ALDH1L1: variants seen among roughly 807,000 people sequenced by gnomAD.
The protein encoded by ALDH1L1 is cytosolic 10-formyltetrahydrofolate dehydrogenase.
Under a neutral mutation model 101.1 loss-of-function variants are expected in ALDH1L1, and 68 were observed. That is an observed-to-expected ratio of 0.67 (90% CI 0.55 to 0.82). The LOEUF (loss-of-function observed/expected upper bound fraction) is 0.82. ALDH1L1 is among the 40% of genes least tolerant of loss of function. ALDH1L1 has a pLI of 0.00. For missense variants in ALDH1L1, 1,087 were observed against 1,172.7 expected (o/e 0.93, Z 1.07); for synonymous variants, 486 against 470.8 (o/e 1.03, Z -0.42).
intron 1 of ALDH1L1, among the ~76,000 whole-genome samples, chr3:126,166,452 G>C (rs1298869961): frequency 6.6e-6 from 1 of 152,028 alleles, no homozygotes; most frequent in Non-Finnish European, 1.5e-5. Flanking sequence ...AATTAAAATG[G>C]ATATCCAAGA....
intron 1 of ALDH1L1, among the ~76,000 whole-genome samples, chr3:126,179,246 C>A (rs540487388): frequency 4.6e-5 from 7 of 152,260 alleles, no homozygotes; most frequent in Admixed American, 2.0e-4. Flanking sequence ...GCCTCCCAAC[C>A]CTCCTACCCA....
intron 22 of ALDH1L1, 182 bp from the exon 23 acceptor site, chr3:126,104,028 T>C (rs4646760): frequency 0.34 from 221,102 of 644,922 alleles, 39,221 homozygotes; most frequent in Middle Eastern, 0.41. Context: ...CAGTGGATAG[T>C]GGGCCAGGAC....
At chr3:126,185,469 G>A (rs753037639), upstream of ALDH1L1, among the ~76,000 whole-genome samples, 7 of 152,270 alleles carry the variant, frequency 4.6e-5, no homozygotes, top group South Asian at 4.1e-4. Flanking sequence ...AAGAAAGCGG[G>A]TCTGGGTACT....
At chr3:126,166,996 T>C (rs1453217839) in intron 1 of ALDH1L1, among the ~76,000 whole-genome samples, 1 of 152,204 alleles carries the variant, frequency 6.6e-6, no homozygotes, top group African/African-American at 2.4e-5. Flanking sequence ...AAAAGCAAAC[T>C]AGTCCAGTTT....
chr3:126,109,954 G>A lies in ALDH1L1; in HGVS notation c.2337C>T (p.Val779=), dbSNP rs145429013. The A allele has an allele frequency of 1.1e-3, 1,725 of 1,613,836 alleles. 1 individual carries two copies. Among genetic ancestry groups the A allele is most frequent in the Non-Finnish European group, 1.4e-3 (1,632 of 1,179,986 alleles). Residue 779 remains valine, a synonymous_variant, in exon 20 of 23, where the codon GTC becomes GTT. Coordinates refer to ENST00000393434, the MANE Select transcript of ALDH1L1 (RefSeq NM_012190.4). Reference sequence around the variant, plus strand: ...CACACTCTGACTCACCTGGCCGAGGGACCTGATTCCCGCCGCAGACCAGTG... The same window carrying A: ...CACACTCTGACTCACCTGGCCGAGGAACCTGATTCCCGCCGCAGACCAGTG... ...GATLVCGGNQ[V]PRPGFFFEPT... is the part of the protein sequence containing the mutation.
In ALDH1L1 at chr3:126,107,347, G is replaced by C. The variant is rs1339102727; in HGVS notation, c.2348-101C>G. Reference sequence around the variant, plus strand: ...TGGGCCACACCAGCCACCTGCGGATGACCCGACATAAGCACCGGGTCACGG... The same window carrying C: ...TGGGCCACACCAGCCACCTGCGGATCACCCGACATAAGCACCGGGTCACGG... On this transcript the variant is annotated intron_variant, in intron 20 of 22. Transcript: ENST00000393434. 8.6e-6 allele frequency: 8 copies of C among 929,238 alleles called. No individual in the cohort carries two copies. In the Admixed American group the frequency reaches 1.4e-4, roughly 16 times the overall value. 57.6% of individuals were successfully genotyped at this position (929,238 alleles called of 1,614,324 possible).
At chr3:126,195,990 AT>A (rs1302819893) in intron 1 of ALDH1L1, among the ~76,000 whole-genome samples, 1 of 152,234 alleles carries the variant, frequency 6.6e-6, no homozygotes, top group African/African-American at 2.4e-5. Flanking sequence ...GAGGGAAAGC[AT>A]TAGGAGATAT....
chr3:126,117,222 C>T (rs2079987420), intron 17 of ALDH1L1, among the ~76,000 whole-genome samples: 1 of 147,810 alleles, frequency 6.8e-6, no homozygotes, highest in Non-Finnish European at 1.5e-5. Context: ...GCCTGGGTGA[C>T]ACTGTGAGAC....
At chr3:126,185,460 A>G (rs1455043130), upstream of ALDH1L1, among the ~76,000 whole-genome samples, 1 of 152,258 alleles carries the variant, frequency 6.6e-6, no homozygotes, top group Non-Finnish European at 1.5e-5. Context: ...TGAGACATGA[A>G]GAAAGCGGGT....
chr3:126,108,248 C>T (rs1234198967), intron 20 of ALDH1L1, among the ~76,000 whole-genome samples: 1 of 152,226 alleles, frequency 6.6e-6, no homozygotes, highest in Non-Finnish European at 1.5e-5. Context: ...CCCCTGTCCC[C>T]TCTAGACCCT....
At position 126,150,528 on chromosome 3, in the gene ALDH1L1, G is replaced by C; in HGVS notation, c.862C>G (p.Leu288Val). 6.4e-7 allele frequency: 1 copy of C among 1,550,802 alleles called. No individual in the cohort carries two copies. The highest frequency in any genetic ancestry group is 8.7e-7 in the Non-Finnish European group (1 of 1,146,554). Residue 288 changes from leucine to valine, a missense_variant, in exon 8 of 23, where the codon CTG (leucine) becomes GTG (valine). This residue lies in a region of ALDH1L1 where 645 missense variants were observed against 637.0 expected (regional missense o/e 1.01). Coordinates refer to ENST00000393434, the MANE Select transcript of ALDH1L1 (RefSeq NM_012190.4). ...TCCTCCAGCTGAATATTCTTCACCA[G>C]CAGCTGCAAAAGGAAGGATTTCTTT... ...ILFGNDDKML[L>V]VKNIQLEDGK...
At chr3:126,147,898 C>A (rs2080728212) in intron 8 of ALDH1L1, among the ~76,000 whole-genome samples, 1 of 152,176 alleles carries the variant, frequency 6.6e-6, no homozygotes. Context: ...CTGCTGCCTG[C>A]CCCTCGAGGT....
chr3:126,136,675 G>A, intron 11 of ALDH1L1, 89 bp downstream of exon 11: 1 of 1,526,540 alleles, frequency 6.6e-7, no homozygotes. Context: ...AGACTCTCAG[G>A]GTCAGGACCC....
intron 1 of ALDH1L1, among the ~76,000 whole-genome samples, chr3:126,188,276 C>A (rs115631022): frequency 0.015 from 2,320 of 152,264 alleles, 62 homozygotes; most frequent in African/African-American, 0.053. Context: ...AAATACAAAT[C>A]AAAAATACAG....
At chr3:126,162,518 G>C (rs2081081209) in intron 1 of ALDH1L1, among the ~76,000 whole-genome samples, 1 of 151,926 alleles carries the variant, frequency 6.6e-6, no homozygotes, top group African/African-American at 2.4e-5. Flanking sequence ...CCATTGGGTG[G>C]TTTTATTCTT....
At chr3:126,146,438 T>C (rs768597817) in intron 9 of ALDH1L1, among the ~76,000 whole-genome samples, 6 of 152,196 alleles carry the variant, frequency 3.9e-5, no homozygotes, top group Admixed American at 6.5e-5. Context: ...TGTCGAACCA[T>C]AGTACTGTGA....
At chr3:126,144,903 C>T (rs1434982722) in intron 9 of ALDH1L1, among the ~76,000 whole-genome samples, 3 of 152,096 alleles carry the variant, frequency 2.0e-5, no homozygotes, top group Non-Finnish European at 2.9e-5. Flanking sequence ...GCATGGAATG[C>T]GAGAAAACTT....
chr3:126,125,626 T>A lies in ALDH1L1; in HGVS notation c.1790A>T (p.Lys597Met). 6.3e-7 allele frequency: 1 copy of A among 1,585,838 alleles called. No individual in the cohort carries two copies. The change falls in exon 15 of 23, where the codon AAG (lysine) becomes ATG (methionine). Residue 597 changes from lysine (K) to methionine (M), a missense_variant. Around this residue, in one of 2 missense-constraint regions of ALDH1L1, gnomAD observed 442 missense variants for 535.7 expected, o/e 0.83. Coordinates refer to ENST00000393434, the MANE Select transcript of ALDH1L1 (RefSeq NM_012190.4). ...TGAACCCACGCTCACCTGAGCAGGC[T>A]TGATCACCACTGTGTTCCCGGCAGC... Reference protein sequence around the residue: ...CLAAGNTVVIKPAQVTPLTAL... With the variant: ...CLAAGNTVVIMPAQVTPLTAL...
In ALDH1L1 at chr3:126,105,798, T is replaced by G; in HGVS notation, c.2581A>C (p.Asn861His). The G allele has an allele frequency of 1.9e-6, 3 of 1,614,198 alleles. No individual in the cohort carries two copies. Among genetic ancestry groups the G allele is most frequent in the Non-Finnish European group, 2.5e-6 (3 of 1,180,040 alleles). ...DKLQAGTVFV[N>H]TYNKTDVAAP... Reference sequence around the variant, plus strand: ...GCCACGTCGGTCTTGTTGTACGTGTTGACAAACACAGTGCCTGCCTGGAGC... The same window carrying G: ...GCCACGTCGGTCTTGTTGTACGTGTGGACAAACACAGTGCCTGCCTGGAGC... The change falls in exon 22 of 23, where the codon AAC (asparagine) becomes CAC (histidine). Residue 861 changes from asparagine to histidine, a missense_variant. Coordinates refer to ENST00000393434, the MANE Select transcript of ALDH1L1 (RefSeq NM_012190.4).
Sources: allele counts gnomAD v4.1 joint callset (sites outside exome capture counted in the v4.1 genomes callset), GRCh38; gene constraint gnomAD v4.1.1; regional missense constraint gnomAD v4.1.1; transcripts MANE v1.5; gene names NCBI Gene and HGNC (gene_info 2026-07-23, HGNC 2026-07-21).